Variants in ATG16L1 observed in about 807,000 individuals in gnomAD.
ATG16L1 encodes the protein autophagy related 16 like 1, also known as autophagy-related protein 16-1.
In ATG16L1, 37 loss-of-function variants were observed where a neutral mutation model predicts 88.5. The ratio of observed to expected loss-of-function variants is 0.42; its 90% CI spans 0.32 to 0.55. The LOEUF (loss-of-function observed/expected upper bound fraction) is 0.55, where lower values mean the gene tolerates loss of function less well. ATG16L1 is among the 20% of genes least tolerant of loss of function. The probability of loss-of-function intolerance (pLI) is 0.13; values close to 1 mark genes in which losing one functional copy is unlikely to be tolerated. For synonymous variants in ATG16L1, 301 were observed against 281.0 expected (o/e 1.07, Z -0.71); for missense variants, 554 against 752.8 (o/e 0.74, Z 3.09).
At chr2:233,277,364 A>G in intron 9 of ATG16L1, 1 of 494,394 alleles carries the variant, frequency 2.0e-6, no homozygotes. Context: ...GTTGCACTGC[A>G]CTCTAATGCA....
rs559953640 is a variant in ATG16L1, at chr2:233,268,891, C to T, written c.642-1111C>T. On this transcript the variant is annotated intron_variant, in intron 5 of 17. Transcript: ENST00000392017. ...GAATTACCACCGTGGTAAAAACTTA[C>T]GAGAAATTTCAGCAGAATTCTTGAT... Among the ~76,000 whole-genome samples the T allele has an allele frequency of 7.2e-4, 110 of 152,268 alleles. 1 individual carries two copies. The highest frequency in any genetic ancestry group is 2.5e-3 in the African/African-American group (104 of 41,552).
At chr2:233,285,924 C>T (rs192557186) in intron 12 of ATG16L1, among the ~76,000 whole-genome samples, 3 of 152,112 alleles carry the variant, frequency 2.0e-5, no homozygotes, top group African/African-American at 7.2e-5. Flanking sequence ...TGTAAATGCA[C>T]CCTAGAAACA....
At chr2:233,274,038 C>A in intron 8 of ATG16L1, 1 of 1,550,406 alleles carries the variant, frequency 6.4e-7, no homozygotes, top group Non-Finnish European at 8.7e-7. Context: ...TCTGATGCTG[C>A]CAGGTGAAAC....
Position 233,292,091 on chromosome 2 carries a change from C to T in ATG16L1, c.1431-37C>T, listed in dbSNP as rs951222145. The T allele has an allele frequency of 3.7e-6, 6 of 1,606,528 alleles. No individual in the cohort carries two copies. The African/African-American group carries it at 5.4e-5, about 14-fold the overall frequency. On this transcript the variant is annotated intron_variant, in intron 14 of 17. Coordinates refer to ENST00000392017, the MANE Select transcript of ATG16L1 (RefSeq NM_030803.7). ...ACGGCATGATGTGAAGTAGTTCTGG[C>T]CTACGTTACATTTCTCAGATCTGTT... is the stretch of plus-strand genomic sequence containing the variant.
In ATG16L1 at chr2:233,273,725, C is replaced by T. The variant is rs1316879134; in HGVS notation, c.799C>T (p.Arg267Ter). ...VRAISRAATK[R>*]LSQPAGGLLD... ...CTATCCTCCCCTCCTCTTTAGTAAG[C>T]GACTCTCGCAGCCTGCTGGAGGCCT... Residue 267 changes from arginine to a stop codon, truncating the protein, a stop_gained, in exon 8 of 18, where the codon CGA becomes TGA. Coordinates refer to ENST00000392017, the MANE Select transcript of ATG16L1 (RefSeq NM_030803.7). LOFTEE classifies it high-confidence loss of function. 2.5e-6 allele frequency: 4 copies of T among 1,614,012 alleles called. No individual in the cohort carries two copies. The highest frequency in any genetic ancestry group is 1.3e-5 in the African/African-American group (1 of 74,912).
intron 1 of ATG16L1, among the ~76,000 whole-genome samples, chr2:233,252,475 C>T (rs1052859983): frequency 3.3e-5 from 5 of 152,078 alleles, no homozygotes; most frequent in Non-Finnish European, 5.9e-5. Flanking sequence ...CTCAAACTCC[C>T]AGGATCAAGT....
chr2:233,268,835 A>C (rs1348748553), intron 5 of ATG16L1, among the ~76,000 whole-genome samples: 1 of 152,222 alleles, frequency 6.6e-6, no homozygotes, highest in Non-Finnish European at 1.5e-5. Context: ...AGATTCTGCT[A>C]TACTGCCTAG....
chr2:233,259,299 GA>G (rs903980853), intron 2 of ATG16L1, among the ~76,000 whole-genome samples: 2 of 152,182 alleles, frequency 1.3e-5, no homozygotes. Context: ...GACACATGCA[GA>G]AAATGGTGGC....
intron 8 of ATG16L1, 54 bp from the exon 9 acceptor site, chr2:233,274,622 G>T: frequency 7.3e-7 from 1 of 1,376,966 alleles, no homozygotes; most frequent in South Asian, 1.3e-5. Flanking sequence ...ACAATTTGAT[G>T]AGCAGTAAAC....
Position 233,289,862 on chromosome 2 carries a change from C to T in ATG16L1, c.1212C>T (p.Leu404=), listed in dbSNP as rs1197484909. ...TVDDYRLRHT[L]TGHSGKVLSA... ...TGTGTTCTCTCTCCTAGCACACACT[C>T]ACGGGACACAGTGGGAAAGTGCTGT... is the stretch of plus-strand genomic sequence containing the variant. Residue 404 remains leucine, a synonymous_variant, in exon 13 of 18, where the codon CTC becomes CTT. Coordinates refer to ENST00000392017, the MANE Select transcript of ATG16L1 (RefSeq NM_030803.7). The T allele has an allele frequency of 1.9e-6, 3 of 1,614,188 alleles. No homozygotes were observed. Among genetic ancestry groups the T allele is most frequent in the Non-Finnish European group, 2.5e-6 (3 of 1,179,994 alleles).
chr2:233,263,884 C>A, intron 3 of ATG16L1, 108 bp from the exon 4 acceptor site: 1 of 1,081,380 alleles, frequency 9.2e-7, no homozygotes, highest in Non-Finnish European at 1.4e-6. Flanking sequence ...TCCTTGCTGT[C>A]ACCCAGCTCA....
At chr2:233,253,371 G>A (rs1425507327) in intron 1 of ATG16L1, among the ~76,000 whole-genome samples, 5 of 119,740 alleles carry the variant, frequency 4.2e-5, no homozygotes, top group Non-Finnish European at 8.2e-5. Flanking sequence ...TGGAGACAGA[G>A]TCTTGCTCTG....
Position 233,290,202 on chromosome 2 carries a change from C to T in ATG16L1, c.1325-46C>T, listed in dbSNP as rs373978227. Reference sequence around the variant, plus strand: ...AGGGTGGCAGCATTATGTAAACAGCCACGTTGGTGCCTCTGCTTGATTAAT... The same window carrying T: ...AGGGTGGCAGCATTATGTAAACAGCTACGTTGGTGCCTCTGCTTGATTAAT... On this transcript the variant is annotated intron_variant, in intron 13 of 17. Coordinates refer to ENST00000392017, the MANE Select transcript of ATG16L1 (RefSeq NM_030803.7). The T allele has an allele frequency of 3.8e-6, 6 of 1,588,760 alleles. No individual in the cohort carries two copies. The African/African-American group carries it at 6.7e-5, about 18-fold the overall frequency.
At chr2:233,288,910 G>C (rs769761005) in intron 12 of ATG16L1, 2 of 519,154 alleles carry the variant, frequency 3.9e-6, no homozygotes, top group Admixed American at 1.9e-5. Flanking sequence ...TGGTATCTGT[G>C]GCTATGATCT....
chr2:233,256,115 G>T lies in ATG16L1; in HGVS notation c.129G>T (p.Leu43=). 1 of 1,613,670 alleles carries T rather than the reference G, an allele frequency of 6.2e-7. No homozygotes were observed. The highest frequency in any genetic ancestry group is 8.5e-7 in the Non-Finnish European group (1 of 1,179,790). The change falls in exon 2 of 18, where the codon CTG becomes CTT. Residue 43 remains leucine, a synonymous_variant. Coordinates refer to ENST00000392017, the MANE Select transcript of ATG16L1 (RefSeq NM_030803.7). ...TTATTTTAATAGATAACAAATTGCTGGAAAAGTCAGATCTTCATTCAGTGT... is the reference window on the plus strand; with the variant it reads ...TTATTTTAATAGATAACAAATTGCTTGAAAAGTCAGATCTTCATTCAGTGT... ...EEIILQYNKL[L]EKSDLHSVLA... is the part of the protein sequence containing the mutation.
intron 2 of ATG16L1, among the ~76,000 whole-genome samples, chr2:233,257,835 T>C (rs1004973101): frequency 6.6e-6 from 1 of 151,968 alleles, no homozygotes; most frequent in Non-Finnish European, 1.5e-5. Context: ...TGAAACCCCA[T>C]CTCTACTAAA....
chr2:233,291,685 G>A (rs996370742), intron 14 of ATG16L1, among the ~76,000 whole-genome samples: 1 of 152,186 alleles, frequency 6.6e-6, no homozygotes, highest in African/African-American at 2.4e-5. Flanking sequence ...GAGGTGGAGG[G>A]CCACAGAGCC....
At position 233,251,753 on chromosome 2, in the gene ATG16L1, T is replaced by A; in HGVS notation, c.-75T>A. The A allele has an allele frequency of 7.4e-7, 1 of 1,348,242 alleles. No individual in the cohort carries two copies. The highest frequency in any genetic ancestry group is 1.0e-6 in the Non-Finnish European group (1 of 969,176). The allele number at this position is 1,348,242 out of a possible 1,614,324, so 83.5% of individuals were successfully genotyped here. On this transcript the variant is annotated 5_prime_UTR_variant, in exon 1 of 18. Transcript: ENST00000392017. ...TGCCGGCATTCCCGCTTCTGCTGGT[T>A]GCTTCATGCTGCAGGCTGCGGCCGT...
chr2:233,286,394 A>G (rs754760921), intron 12 of ATG16L1, among the ~76,000 whole-genome samples: 16 of 152,162 alleles, frequency 1.1e-4, no homozygotes, highest in Non-Finnish European at 8.8e-5. Flanking sequence ...TTAAAAGTAG[A>G]AGATGAAACC....
Sources: gnomAD v4.1 joint callset for allele counts (sites outside exome capture counted in the v4.1 genomes callset) on GRCh38, gnomAD v4.1.1 for gene constraint, MANE v1.5 for transcripts, NCBI Gene and HGNC (gene_info 2026-07-23, HGNC 2026-07-21) for gene names.